GRID2: variants seen among roughly 807,000 people sequenced by gnomAD.
GRID2 encodes the protein glutamate receptor ionotropic, delta-2.
A neutral mutation model predicts 114.8 loss-of-function variants in GRID2; 33 were observed. That is an observed-to-expected ratio of 0.29 (90% confidence interval 0.22 to 0.38). The LOEUF is 0.38. Ranked by LOEUF, GRID2 falls within the 10% of genes least tolerant of loss-of-function variation. The pLI is 1.00. For synonymous variants in GRID2, 505 were observed against 449.9 expected (o/e 1.12, Z -1.55); for missense variants, 1,184 against 1,257.7 (o/e 0.94, Z 0.89).
rs1176017818 is a variant in GRID2, at chr4:93,302,609, C to T, written c.1245+64119C>T. 1.1e-5 allele frequency: 5 copies of T among 455,942 alleles called. No homozygotes were observed. In the East Asian group the frequency reaches 3.5e-4, roughly 32 times the overall value. The allele number at this position is 455,942 out of a possible 1,614,324, so 28.2% of individuals were successfully genotyped here. A position where few individuals can be genotyped will look rare whatever the true frequency, so the allele number is the denominator to read the frequency against. On this transcript the variant is annotated intron_variant, in intron 8 of 15. Coordinates refer to ENST00000282020, the MANE Select transcript of GRID2 (RefSeq NM_001510.4). The stretch of plus-strand genomic sequence containing the variant: ...TAAACTTCATTTTCAAGTAATTTGA[C>T]CATTCATATACATTCATCTTCTGTA...
chr4:92,820,123 G>C (rs1196710395), intron 2 of GRID2, among the ~76,000 whole-genome samples: 1 of 152,172 alleles, frequency 6.6e-6, no homozygotes, highest in South Asian at 2.1e-4. Context: ...ATTTGGTTCT[G>C]CCCACAGCCC....
intron 2 of GRID2, among the ~76,000 whole-genome samples, chr4:92,621,778 A>C (rs1730287734): frequency 6.6e-6 from 1 of 151,802 alleles, no homozygotes; most frequent in Admixed American, 6.6e-5. Flanking sequence ...GAGTGAGTGG[A>C]TGGAAAGGAT....
intron 11 of GRID2, among the ~76,000 whole-genome samples, chr4:93,470,159 C>T (rs975548200): frequency 6.6e-6 from 1 of 152,038 alleles, no homozygotes; most frequent in Non-Finnish European, 1.5e-5. Flanking sequence ...AACACAAACA[C>T]ATTTTTTATA....
intron 2 of GRID2, among the ~76,000 whole-genome samples, chr4:92,665,719 T>C (rs1055564865): frequency 6.6e-6 from 1 of 151,176 alleles, no homozygotes; most frequent in Non-Finnish European, 1.5e-5. Context: ...CATGTTTTTT[T>C]TTTCTAGTAG....
intron 8 of GRID2, among the ~76,000 whole-genome samples, chr4:93,340,240 CTTTTTTT>C (rs33924908): frequency 7.2e-6 from 1 of 139,770 alleles, no homozygotes; most frequent in Non-Finnish European, 1.6e-5. Flanking sequence ...TATCTCCTCT[CTTTTTTT>C]TTTTTTTTTT....
intron 4 of GRID2, among the ~76,000 whole-genome samples, chr4:93,147,977 A>T (rs921863525): frequency 6.6e-6 from 1 of 152,334 alleles, no homozygotes; most frequent in South Asian, 2.1e-4. Context: ...TTGGTTCACT[A>T]CAGGATGCAT....
chr4:93,628,348 G>A (rs896964198), intron 14 of GRID2, among the ~76,000 whole-genome samples: 3 of 152,028 alleles, frequency 2.0e-5, no homozygotes, highest in Non-Finnish European at 2.9e-5. Flanking sequence ...TGATATATAT[G>A]TATATAATAT....
intron 13 of GRID2, among the ~76,000 whole-genome samples, chr4:93,537,084 T>C (rs1170513321): frequency 6.6e-6 from 1 of 151,694 alleles, no homozygotes; most frequent in Non-Finnish European, 1.5e-5. Context: ...TTTGGTTGTA[T>C]CTCTGGCCAT....
chr4:93,098,591 CA>C (rs1463116751), intron 3 of GRID2, among the ~76,000 whole-genome samples: 1 of 151,844 alleles, frequency 6.6e-6, no homozygotes, highest in Non-Finnish European at 1.5e-5. Context: ...ATGAGAGAAA[CA>C]TTAAATTTCA....
In GRID2 at chr4:92,895,993, AG is replaced by A. The variant is rs557667160; in HGVS notation, c.245-189001del. Among the ~76,000 whole-genome samples, 11 of 152,312 alleles carry A rather than the reference AG, an allele frequency of 7.2e-5. No individual in the cohort carries two copies. In the South Asian group the frequency reaches 2.3e-3, roughly 32 times the overall value. On this transcript the variant is annotated intron_variant, in intron 2 of 15. Transcript: ENST00000282020. ...ACATAACAGAAAAATGAAACAGTTTAGTTCAAAATGAATTATTTTTGATTTA... is the reference window on the plus strand; with the variant it reads ...ACATAACAGAAAAATGAAACAGTTTATTCAAAATGAATTATTTTTGATTTA...
At chr4:93,047,465 A>T (rs1726259949) in intron 2 of GRID2, among the ~76,000 whole-genome samples, 1 of 152,110 alleles carries the variant, frequency 6.6e-6, no homozygotes, top group South Asian at 2.1e-4. Context: ...CTATAAATCT[A>T]AACTAAATAT....
intron 1 of GRID2, among the ~76,000 whole-genome samples, chr4:92,500,754 A>T (rs1723642075): frequency 6.6e-6 from 1 of 152,114 alleles, no homozygotes; most frequent in African/African-American, 2.4e-5. Flanking sequence ...TTTCTCAGTT[A>T]CAAAGCTAGG....
intron 2 of GRID2, among the ~76,000 whole-genome samples, chr4:93,006,314 G>A (rs1721517899): frequency 6.6e-6 from 1 of 152,098 alleles, no homozygotes; most frequent in Admixed American, 6.6e-5. Context: ...TGCATCAGGA[G>A]GAGAGGGGGA....
At chr4:92,750,680 A>C (rs1386284890) in intron 2 of GRID2, among the ~76,000 whole-genome samples, 1 of 152,138 alleles carries the variant, frequency 6.6e-6, no homozygotes, top group East Asian at 1.9e-4. Context: ...TTGTTCTGTA[A>C]CCTTAATATC....
At chr4:92,675,026 C>G (rs1459671203) in intron 2 of GRID2, among the ~76,000 whole-genome samples, 2 of 152,006 alleles carry the variant, frequency 1.3e-5, no homozygotes, top group African/African-American at 4.8e-5. Context: ...ATTGTTGGGG[C>G]CATGTTGGTG....
chr4:92,921,294 A>G (rs951317550), intron 2 of GRID2, among the ~76,000 whole-genome samples: 1 of 151,866 alleles, frequency 6.6e-6, no homozygotes, highest in East Asian at 1.9e-4. Context: ...GTGGGTTCGA[A>G]CTTCCTCCTT....
chr4:92,851,681 A>G (rs1003558186), intron 2 of GRID2, among the ~76,000 whole-genome samples: 2 of 152,016 alleles, frequency 1.3e-5, no homozygotes, highest in South Asian at 4.1e-4. Flanking sequence ...CACTTGTTCA[A>G]CTTTGTAATG....
intron 2 of GRID2, among the ~76,000 whole-genome samples, chr4:92,829,559 A>G (rs1296264571): frequency 6.6e-6 from 1 of 152,144 alleles, no homozygotes; most frequent in Non-Finnish European, 1.5e-5. Flanking sequence ...ACCAAATACC[A>G]TTTGACCCAG....
chr4:93,695,189 A>G (rs1033631114), intron 14 of GRID2, among the ~76,000 whole-genome samples: 6 of 145,588 alleles, frequency 4.1e-5, no homozygotes, highest in African/African-American at 1.5e-4. Context: ...AAAAAAAAAA[A>G]TGGTTACTGA....
Sources: allele counts gnomAD v4.1 joint callset (sites outside exome capture counted in the v4.1 genomes callset), GRCh38; gene constraint gnomAD v4.1.1; transcripts MANE v1.5; gene names NCBI Gene and HGNC (gene_info 2026-07-23, HGNC 2026-07-21).